The following RLN2 variants were observed in gnomAD, a reference collection of about 807,000 sequenced individuals.
The protein encoded by RLN2 is prorelaxin H2.
RLN2 carries 10 observed loss-of-function variants against 7.3 expected under a neutral mutation model. The ratio of observed to expected loss-of-function variants is 1.36; its 90% CI spans 0.84 to 2.31. The LOEUF is 2.31. Among genes scored for constraint, RLN2 ranks in the 30% most tolerant of loss-of-function variants. The pLI, the probability that RLN2 is intolerant of heterozygous loss-of-function variation, is 0.00. For synonymous variants in RLN2, 103 were observed against 82.3 expected (o/e 1.25, Z -1.36); for missense variants, 298 against 217.6 (o/e 1.37, Z -2.32).
upstream of RLN2, among the ~76,000 whole-genome samples, chr9:5,305,359 CCACACACACACA>C (rs34733616): frequency 1.5e-3 from 184 of 121,892 alleles, 2 homozygotes; most frequent in African/African-American, 5.0e-3. Flanking sequence ...GGAGAACATA[CCACACACACACA>C]CACACACACA....
Position 5,300,120 on chromosome 9 carries a change from C to A in RLN2, c.536G>T (p.Arg179Ile), listed in dbSNP as rs1441587569. Residue 179 changes from arginine (R) to isoleucine (I), a missense_variant, in exon 2 of 2, where the codon AGA (arginine) becomes ATA (isoleucine). Arg to Ile is a moderately conservative substitution (Grantham distance 97, BLOSUM62 -3). Transcript: ENST00000381627. The stretch of plus-strand genomic sequence containing the variant: ...ATCTCAGCAAAATCTAGCAAGAGAT[C>A]TTTTGGTACAACCAACATGGCAACA... ...NKCCHVGCTK[R>I]SLARFC 6.3e-7 allele frequency: 1 copy of A among 1,598,240 alleles called. No individual in the cohort carries two copies. The highest frequency in any genetic ancestry group is 8.5e-7 in the Non-Finnish European group (1 of 1,174,460).
At chr9:5,313,695 G>A in the RLN2 span, among the ~76,000 whole-genome samples, 3 of 106,994 alleles carry the variant, frequency 2.8e-5, no homozygotes, top group African/African-American at 1.1e-4. Flanking sequence ...TTTGGTGAGA[G>A]CATTTGAAAT....
the RLN2 span, among the ~76,000 whole-genome samples, chr9:5,317,342 C>G: frequency 2.2e-3 from 334 of 151,134 alleles, 6 homozygotes; most frequent in African/African-American, 7.6e-3. Flanking sequence ...ACACACATAC[C>G]CTGGGAGGCT....
the RLN2 span, among the ~76,000 whole-genome samples, chr9:5,318,612 A>G: frequency 2.6e-5 from 4 of 152,000 alleles, no homozygotes; most frequent in East Asian, 3.9e-4. Context: ...AAAAAGAATC[A>G]CAGAACAAGA....
chr9:5,302,682 T>A (rs1259761704), intron 1 of RLN2, among the ~76,000 whole-genome samples: 5 of 152,198 alleles, frequency 3.3e-5, no homozygotes, highest in Non-Finnish European at 7.3e-5. Context: ...ACAAATGTGC[T>A]TAATGAAGTA....
upstream of RLN2, among the ~76,000 whole-genome samples, chr9:5,305,402 C>CACACACACACACAGAGAG (rs397829533): frequency 8.9e-6 from 1 of 112,204 alleles, no homozygotes; most frequent in Non-Finnish European, 1.8e-5. Context: ...CACACACACA[C>CACACACACACACAGAGAG]AGAGAGAGAG....
In RLN2 at chr9:5,300,446, T is replaced by A. The variant is rs750001288; in HGVS notation, c.212-2A>T. 6 of 1,588,616 alleles carry A rather than the reference T, an allele frequency of 3.8e-6. No individual in the cohort carries two copies. The highest frequency in any genetic ancestry group is 5.1e-6 in the Non-Finnish European group (6 of 1,167,636). The stretch of plus-strand genomic sequence containing the variant: ...TGTTGATGAAGGATGGCACAATTTC[T>A]GTTAAATTTAAAAAAAAAGGTGTAT... On this transcript the variant is annotated splice_acceptor_variant, in intron 1 of 1. Coordinates refer to ENST00000381627, the MANE Select transcript of RLN2 (RefSeq NM_134441.3). LOFTEE classifies it high-confidence loss of function.
chr9:5,330,711 T>C, the RLN2 span, among the ~76,000 whole-genome samples: 5 of 126,812 alleles, frequency 3.9e-5, no homozygotes, highest in East Asian at 1.1e-3. Flanking sequence ...AAAAGCTAGC[T>C]AGCAGAAGGC....
chr9:5,316,654 T>C, the RLN2 span, among the ~76,000 whole-genome samples: 13 of 152,078 alleles, frequency 8.5e-5, no homozygotes, highest in Non-Finnish European at 1.8e-4. Flanking sequence ...TAGTATTCCA[T>C]GGTGTATATG....
upstream of RLN2, among the ~76,000 whole-genome samples, chr9:5,307,045 G>A (rs1804258246): frequency 6.6e-6 from 1 of 151,968 alleles, no homozygotes; most frequent in South Asian, 2.1e-4. Context: ...TAGCCCTCTT[G>A]GGACCATGAG....
intron 1 of RLN2, among the ~76,000 whole-genome samples, chr9:5,302,480 T>C (rs953198407): frequency 6.6e-6 from 1 of 152,190 alleles, no homozygotes; most frequent in African/African-American, 2.4e-5. Flanking sequence ...AATCACAAAT[T>C]ACTGACATGT....
At chr9:5,334,421 T>C in the RLN2 span, among the ~76,000 whole-genome samples, 8 of 152,072 alleles carry the variant, frequency 5.3e-5, no homozygotes, top group Non-Finnish European at 1.0e-4. Flanking sequence ...CATGTGTATA[T>C]ACATAGATGG....
the RLN2 span, among the ~76,000 whole-genome samples, chr9:5,333,455 C>CT: frequency 9.9e-5 from 15 of 152,016 alleles, no homozygotes; most frequent in Admixed American, 7.2e-4. Flanking sequence ...CACATACACC[C>CT]TCTCAAGACT....
upstream of RLN2, among the ~76,000 whole-genome samples, chr9:5,306,739 A>G (rs978019044): frequency 3.3e-5 from 5 of 151,940 alleles, no homozygotes; most frequent in African/African-American, 1.2e-4. Context: ...CCTTTCCTTC[A>G]TTTCCCTATA....
chr9:5,302,864 T>C (rs1586929562), intron 1 of RLN2, among the ~76,000 whole-genome samples: 1 of 138,712 alleles, frequency 7.2e-6, no homozygotes, highest in South Asian at 2.4e-4. Context: ...AAAAGATATA[T>C]ACATATACCT....
At chr9:5,312,632 C>T in the RLN2 span, among the ~76,000 whole-genome samples, 1 of 151,592 alleles carries the variant, frequency 6.6e-6, no homozygotes, top group South Asian at 2.1e-4. Flanking sequence ...TTGTTGTATA[C>T]TGTTAATGAT....
At chr9:5,335,470 C>G in the RLN2 span, 1 of 1,613,228 alleles carries the variant, frequency 6.2e-7, no homozygotes, top group East Asian at 2.2e-5. Flanking sequence ...GTACATACTG[C>G]TGTAGCTCTG....
chr9:5,327,221 A>T, the RLN2 span, among the ~76,000 whole-genome samples: 2 of 152,102 alleles, frequency 1.3e-5, no homozygotes, highest in African/African-American at 4.8e-5. Flanking sequence ...CAGTCTTAGC[A>T]ACCGCAGACC....
At chr9:5,313,236 T>A in the RLN2 span, among the ~76,000 whole-genome samples, 1 of 152,104 alleles carries the variant, frequency 6.6e-6, no homozygotes, top group South Asian at 2.1e-4. Context: ...ATTTGTGTTA[T>A]GAATATATAG....
Sources: allele counts gnomAD v4.1 joint callset (sites outside exome capture counted in the v4.1 genomes callset), GRCh38; gene constraint gnomAD v4.1.1; transcripts MANE v1.5; gene names NCBI Gene and HGNC (gene_info 2026-07-23, HGNC 2026-07-21).